ELF1: variants seen among roughly 807,000 people sequenced by gnomAD.
ELF1 encodes E74 like ETS transcription factor 1.
A neutral mutation model predicts 59.9 loss-of-function variants in ELF1; 24 were observed. The observed-to-expected ratio is 0.40, with a 90% CI of 0.29 to 0.56. The LOEUF (loss-of-function observed/expected upper bound fraction) is 0.56. Ranked by LOEUF, ELF1 falls within the 20% of genes least tolerant of loss-of-function variation. The pLI, the probability that ELF1 is intolerant of heterozygous loss-of-function variation, is 0.44. For missense variants in ELF1, 627 were observed against 742.2 expected (o/e 0.84, Z 1.80); for synonymous variants, 248 against 266.2 (o/e 0.93, Z 0.67).
intron 1 of ELF1, among the ~76,000 whole-genome samples, chr13:40,997,945 G>GT (rs1422463034): frequency 6.6e-6 from 1 of 152,084 alleles, no homozygotes; most frequent in Non-Finnish European, 1.5e-5. Flanking sequence ...GAGGCCAGGA[G>GT]TTTGAGACCA....
chr13:41,050,442 T>C (rs1041077024), intron 1 of ELF1, among the ~76,000 whole-genome samples: 1 of 152,244 alleles, frequency 6.6e-6, no homozygotes, highest in African/African-American at 2.4e-5. Context: ...GGTAACATAA[T>C]AAATATTTAT....
intron 1 of ELF1, among the ~76,000 whole-genome samples, chr13:40,997,418 A>G (rs976897149): frequency 6.6e-6 from 1 of 151,970 alleles, no homozygotes; most frequent in African/African-American, 2.4e-5. Context: ...CCACCACGCC[A>G]GGCTAATTTT....
chr13:41,039,352 A>AC (rs1440712126), intron 1 of ELF1, among the ~76,000 whole-genome samples: 1 of 151,710 alleles, frequency 6.6e-6, no homozygotes, highest in African/African-American at 2.4e-5. Flanking sequence ...AAAAAAAAAA[A>AC]AAAAACCTAT....
chr13:41,032,269 G>A (rs1410182463), intron 1 of ELF1, among the ~76,000 whole-genome samples: 1 of 150,694 alleles, frequency 6.6e-6, no homozygotes, highest in Non-Finnish European at 1.5e-5. Context: ...CCAGGCTGGA[G>A]TGCAATGGTG....
At chr13:40,954,244 A>G (rs1871050547) in intron 3 of ELF1, among the ~76,000 whole-genome samples, 1 of 152,214 alleles carries the variant, frequency 6.6e-6, no homozygotes, top group Non-Finnish European at 1.5e-5. Context: ...GTTAAAAAAA[A>G]GGGAGTGATA....
rs1445687054 is a variant in ELF1 at position 40,935,813 on chromosome 13, T to C, written c.1257-1785A>G. On this transcript the variant is annotated intron_variant, in intron 8 of 8. Transcript: ENST00000239882. Reference sequence around the variant, plus strand: ...TCAGCCTCCCGAGTAGCTGGGATTATAGGCACCCGCCACCATGCCCAGCTA... The same window carrying C: ...TCAGCCTCCCGAGTAGCTGGGATTACAGGCACCCGCCACCATGCCCAGCTA... Among the ~76,000 whole-genome samples, 6 of 151,976 alleles carry C rather than the reference T, an allele frequency of 3.9e-5. No individual in the cohort carries two copies. In the South Asian group the frequency reaches 1.2e-3, roughly 32 times the overall value.
rs534518837 is a variant in ELF1, at chr13:40,942,889, A to AT, written c.806+62dup. On this transcript the variant is annotated intron_variant, in intron 7 of 8. Coordinates refer to ENST00000239882, the MANE Select transcript of ELF1 (RefSeq NM_172373.4). ...GTGCTTTGCTGAACTTAAGCTTAGT[A>AT]TTTTTTTTTACAATTTAGAAAATGA... 2.1e-4 allele frequency: 295 copies of AT among 1,377,392 alleles called. 2 individuals are homozygous for AT. Among genetic ancestry groups the AT allele is most frequent in the Middle Eastern group, 1.2e-3 (6 of 5,214 alleles). 85.3% of individuals were successfully genotyped at this position (1,377,392 alleles called of 1,614,324 possible).
At chr13:41,009,829 A>G (rs1874947418) in intron 1 of ELF1, among the ~76,000 whole-genome samples, 1 of 152,058 alleles carries the variant, frequency 6.6e-6, no homozygotes, top group African/African-American at 2.4e-5. Flanking sequence ...TCAATTTAAT[A>G]ATGTAAAACT....
chr13:40,944,142 A>C (rs1488391663), intron 5 of ELF1, among the ~76,000 whole-genome samples: 1 of 152,250 alleles, frequency 6.6e-6, no homozygotes, highest in African/African-American at 2.4e-5. Flanking sequence ...CACTTATGTA[A>C]GAAATGATAC....
At chr13:40,936,347 C>A (rs189265879) in intron 8 of ELF1, among the ~76,000 whole-genome samples, 2 of 152,280 alleles carry the variant, frequency 1.3e-5, no homozygotes, top group East Asian at 3.9e-4. Flanking sequence ...CTCTCTCATT[C>A]TTCTTTCCTT....
chr13:40,976,436 C>T (rs1345492509), intron 2 of ELF1, among the ~76,000 whole-genome samples: 1 of 152,238 alleles, frequency 6.6e-6, no homozygotes, highest in Non-Finnish European at 1.5e-5. Context: ...TCAGTATCCA[C>T]AGCACTTTGC....
At chr13:40,951,926 C>A (rs1870881460) in intron 3 of ELF1, among the ~76,000 whole-genome samples, 1 of 151,532 alleles carries the variant, frequency 6.6e-6, no homozygotes, top group Non-Finnish European at 1.5e-5. Flanking sequence ...TATTAAATAG[C>A]CAACCAGCAT....
At chr13:40,977,470 C>T (rs1464850631) in intron 2 of ELF1, among the ~76,000 whole-genome samples, 2 of 152,128 alleles carry the variant, frequency 1.3e-5, no homozygotes, top group African/African-American at 4.8e-5. Context: ...CTCAAGAGTG[C>T]CAAGCAATTC....
chr13:40,961,020 C>G (rs1243427899), intron 2 of ELF1, among the ~76,000 whole-genome samples: 1 of 152,112 alleles, frequency 6.6e-6, no homozygotes, highest in Non-Finnish European at 1.5e-5. Context: ...GATAATAATG[C>G]CAGGCACCTT....
upstream of ELF1, among the ~76,000 whole-genome samples, chr13:41,021,544 C>T (rs910342845): frequency 6.6e-6 from 1 of 152,160 alleles, no homozygotes; most frequent in Non-Finnish European, 1.5e-5. Flanking sequence ...AGGTTCTAGT[C>T]AATCTACTTG....
chr13:40,967,993 G>C (rs772844358), intron 2 of ELF1, among the ~76,000 whole-genome samples: 7 of 151,960 alleles, frequency 4.6e-5, no homozygotes, highest in Non-Finnish European at 5.9e-5. Flanking sequence ...TTTTTAATGA[G>C]AATAGTCTTT....
chr13:40,950,756 G>A (rs994433962), intron 4 of ELF1, among the ~76,000 whole-genome samples: 1 of 152,172 alleles, frequency 6.6e-6, no homozygotes, highest in African/African-American at 2.4e-5. Context: ...GTAAGCTTGA[G>A]GAAAGGAACA....
At chr13:41,019,649 C>CTGTGAAAGGAAAAAAG (rs142810794), upstream of ELF1, among the ~76,000 whole-genome samples, 1,380 of 152,038 alleles carry the variant, frequency 9.1e-3, 15 homozygotes, top group East Asian at 0.049. Flanking sequence ...TCAAATAAAA[C>CTGTGAAAGGAAAAAAG]TGTGAAAGGA....
chr13:40,955,785 C>CG (rs1412753442), intron 3 of ELF1, among the ~76,000 whole-genome samples: 1 of 78,870 alleles, frequency 1.3e-5, no homozygotes, highest in Non-Finnish European at 2.4e-5. Context: ...GGGGGTCAGC[C>CG]CCCCGCCCGG....
Sources: gnomAD v4.1 joint callset for allele counts (sites outside exome capture counted in the v4.1 genomes callset) on GRCh38, gnomAD v4.1.1 for gene constraint, MANE v1.5 for transcripts, NCBI Gene and HGNC (gene_info 2026-07-23, HGNC 2026-07-21) for gene names.